CTNND2: variants seen among roughly 807,000 people sequenced by gnomAD.
CTNND2 encodes catenin delta-2.
In CTNND2, 22 loss-of-function variants were observed where a neutral mutation model predicts 144.4. That is an observed-to-expected ratio of 0.15 (90% CI 0.11 to 0.22). The LOEUF (loss-of-function observed/expected upper bound fraction) is 0.22, where lower values mean the gene tolerates loss of function less well. Among genes scored for constraint, CTNND2 ranks in the 10% least tolerant of loss-of-function variants. CTNND2 has a pLI of 1.00. For synonymous variants in CTNND2, 751 were observed against 695.6 expected (o/e 1.08, Z -1.25); for missense variants, 1,353 against 1,618.8 (o/e 0.84, Z 2.82).
intron 15 of CTNND2, among the ~76,000 whole-genome samples, chr5:11,086,265 G>T (rs939383575): frequency 6.6e-6 from 1 of 152,078 alleles, no homozygotes. Context: ...ACAGGACCCT[G>T]GACCGGAGAT....
intron 8 of CTNND2, among the ~76,000 whole-genome samples, chr5:11,352,443 A>T (rs1281285047): frequency 6.6e-6 from 1 of 152,188 alleles, no homozygotes; most frequent in African/African-American, 2.4e-5. Flanking sequence ...TGGCTAATAC[A>T]TGCAGGGTTT....
At chr5:11,736,492 T>C (rs534309192) in intron 1 of CTNND2, among the ~76,000 whole-genome samples, 1 of 152,178 alleles carries the variant, frequency 6.6e-6, no homozygotes, top group Non-Finnish European at 1.5e-5. Flanking sequence ...TTAATGTAAC[T>C]ATTGTGTCTG....
chr5:11,377,055 C>CT (rs35811459), intron 7 of CTNND2, among the ~76,000 whole-genome samples: 72,744 of 146,414 alleles, frequency 0.5, 18,501 homozygotes, highest in Non-Finnish European at 0.57. Flanking sequence ...TTTTTGTCTC[C>CT]TTTTTTTTTT....
At chr5:11,727,081 G>A (rs1787065336) in intron 2 of CTNND2, among the ~76,000 whole-genome samples, 1 of 152,084 alleles carries the variant, frequency 6.6e-6, no homozygotes, top group South Asian at 2.1e-4. Context: ...CCCAAGACTT[G>A]AATAAGTAGT....
intron 15 of CTNND2, among the ~76,000 whole-genome samples, chr5:11,086,394 T>C (rs61755744): frequency 0.056 from 8,453 of 152,164 alleles, 745 homozygotes; most frequent in African/African-American, 0.19. Flanking sequence ...GGACTATACC[T>C]GTAAGACCCC....
At chr5:11,851,778 C>A (rs1795024826) in intron 1 of CTNND2, among the ~76,000 whole-genome samples, 1 of 152,172 alleles carries the variant, frequency 6.6e-6, no homozygotes, top group African/African-American at 2.4e-5. Flanking sequence ...TCATAAGGTA[C>A]TGATGGTAAA....
intron 5 of CTNND2, among the ~76,000 whole-genome samples, chr5:11,401,028 G>A (rs1233727185): frequency 6.6e-6 from 1 of 152,206 alleles, no homozygotes; most frequent in Non-Finnish European, 1.5e-5. Context: ...TCAGATTTTG[G>A]TGCTTCTCCA....
chr5:11,617,783 T>C (rs957305861), intron 2 of CTNND2, among the ~76,000 whole-genome samples: 4 of 152,206 alleles, frequency 2.6e-5, no homozygotes, highest in African/African-American at 9.7e-5. Flanking sequence ...CAGAGCCACT[T>C]ATATGTGAAT....
At chr5:11,684,087 T>C (rs1271675966) in intron 2 of CTNND2, among the ~76,000 whole-genome samples, 2 of 151,922 alleles carry the variant, frequency 1.3e-5, no homozygotes, top group Non-Finnish European at 2.9e-5. Flanking sequence ...TTACACATTA[T>C]TTATTTTTAT....
At chr5:11,661,816 C>T (rs922740193) in intron 2 of CTNND2, among the ~76,000 whole-genome samples, 15 of 151,706 alleles carry the variant, frequency 9.9e-5, no homozygotes, top group Admixed American at 2.6e-4. Context: ...ATATATGTCA[C>T]GGACTGGTAC....
intron 11 of CTNND2, among the ~76,000 whole-genome samples, chr5:11,168,898 G>C (rs993984378): frequency 1.3e-5 from 2 of 152,052 alleles, no homozygotes; most frequent in African/African-American, 2.4e-5. Context: ...GTAAATGCAG[G>C]AGGTGAAATC....
intron 1 of CTNND2, among the ~76,000 whole-genome samples, chr5:11,865,993 G>C (rs1795752476): frequency 6.7e-6 from 1 of 149,746 alleles, no homozygotes; most frequent in Non-Finnish European, 1.5e-5. Flanking sequence ...CACCCACATA[G>C]AGCTTCAAAC....
chr5:11,236,146 A>T (rs1048615103), intron 10 of CTNND2, among the ~76,000 whole-genome samples: 3 of 152,240 alleles, frequency 2.0e-5, no homozygotes, highest in Non-Finnish European at 4.4e-5. Context: ...GGACATGGAC[A>T]ATAGTCTCCT....
At chr5:11,445,974 T>C (rs984321321) in intron 3 of CTNND2, among the ~76,000 whole-genome samples, 19 of 152,138 alleles carry the variant, frequency 1.2e-4, no homozygotes, top group Non-Finnish European at 2.2e-4. Flanking sequence ...AAATTTTTTG[T>C]TTGTTTTTTG....
At position 11,519,507 on chromosome 5, in the gene CTNND2, G is replaced by GT. The variant is rs33945163; in HGVS notation, c.287+45436dup. Reference sequence around the variant, plus strand: ...GTTTACTTTTCATTCTCTTTTGTGGGTTTTTTTTTTTTTTTCTGGTCAACT... The same window carrying GT: ...GTTTACTTTTCATTCTCTTTTGTGGGTTTTTTTTTTTTTTTTCTGGTCAACT... On this transcript the variant is annotated intron_variant, in intron 3 of 21. Coordinates refer to ENST00000304623, the MANE Select transcript of CTNND2 (RefSeq NM_001332.4). Among the ~76,000 whole-genome samples, 731 of 140,858 alleles carry GT rather than the reference G, an allele frequency of 5.2e-3. 5 individuals are homozygous for GT. The highest frequency in any genetic ancestry group is 0.015 in the African/African-American group (578 of 38,602). 92.4% of individuals were successfully genotyped at this position (140,858 alleles called of 152,430 possible). A position where few individuals can be genotyped will look rare whatever the true frequency, so the allele number is the denominator to read the frequency against.
chr5:11,196,782 G>A (rs1363020061), intron 11 of CTNND2, among the ~76,000 whole-genome samples: 3 of 151,594 alleles, frequency 2.0e-5, no homozygotes, highest in Non-Finnish European at 4.4e-5. Flanking sequence ...TCAGAGCAGA[G>A]CCTCACCACT....
chr5:11,637,778 A>C (rs1406408423), intron 2 of CTNND2, among the ~76,000 whole-genome samples: 1 of 152,210 alleles, frequency 6.6e-6, no homozygotes, highest in Non-Finnish European at 1.5e-5. Context: ...TTTCAAATCC[A>C]ATTTGATTTC....
intron 1 of CTNND2, among the ~76,000 whole-genome samples, chr5:11,752,442 T>C (rs1205956325): frequency 6.6e-6 from 1 of 151,934 alleles, no homozygotes; most frequent in African/African-American, 2.4e-5. Context: ...AGGAAGTCTT[T>C]TTCTTATTGC....
intron 10 of CTNND2, among the ~76,000 whole-genome samples, chr5:11,216,218 A>G (rs1404051049): frequency 6.6e-6 from 1 of 152,156 alleles, no homozygotes; most frequent in African/African-American, 2.4e-5. Context: ...AGGCAGAACA[A>G]TGCCCCCCCA....
Sources: gnomAD v4.1 joint callset for allele counts (sites outside exome capture counted in the v4.1 genomes callset) on GRCh38, gnomAD v4.1.1 for gene constraint, MANE v1.5 for transcripts, NCBI Gene and HGNC (gene_info 2026-07-23, HGNC 2026-07-21) for gene names.